ANKRD30B: variants seen among roughly 807,000 people sequenced by gnomAD.
ANKRD30B encodes ankyrin repeat domain-containing protein 30B.
A neutral mutation model predicts 202.2 loss-of-function variants in ANKRD30B; 144 were observed. That is an observed-to-expected ratio of 0.71 (90% CI 0.62 to 0.82). The LOEUF (loss-of-function observed/expected upper bound fraction) is 0.82, where lower values mean the gene tolerates loss of function less well. Ranked by LOEUF, ANKRD30B falls within the 40% of genes least tolerant of loss-of-function variation. ANKRD30B has a pLI of 0.00. For missense variants in ANKRD30B, 1,487 were observed against 1,669.1 expected (o/e 0.89, Z 1.90); for synonymous variants, 508 against 561.3 (o/e 0.91, Z 1.34).
At chr18:14,865,048 T>C in the ANKRD30B span, among the ~76,000 whole-genome samples, 8 of 151,572 alleles carry the variant, frequency 5.3e-5, no homozygotes, top group Admixed American at 4.6e-4. Context: ...CATCGCCTTT[T>C]TCCCAGTCCT....
Position 14,852,069 on chromosome 18 carries a change from A to G in ANKRD30B, c.4125A>G (p.Glu1375=). ...ATTATGCAGGAGATGATCTAAGAGAAAATGCATTGGTTTCAGAACATGCAC... is the reference window on the plus strand; with the variant it reads ...ATTATGCAGGAGATGATCTAAGAGAGAATGCATTGGTTTCAGAACATGCAC... ...NLNYAGDDLR[E]NALVSEHAQR... Residue 1375 remains glutamate (E), a synonymous_variant, in exon 42 of 44, where the codon GAA becomes GAG. Transcript: ENST00000690538. 6.2e-7 allele frequency: 1 copy of G among 1,609,846 alleles called. No individual in the cohort carries two copies. The highest frequency in any genetic ancestry group is 1.1e-5 in the South Asian group (1 of 90,436).
chr18:14,916,861 T>C, the ANKRD30B span, among the ~76,000 whole-genome samples: 18 of 152,004 alleles, frequency 1.2e-4, no homozygotes, highest in East Asian at 3.3e-3. Flanking sequence ...AGCACTGTCA[T>C]TCCCACTTGG....
the ANKRD30B span, among the ~76,000 whole-genome samples, chr18:14,933,197 G>A: frequency 6.6e-6 from 1 of 152,190 alleles, no homozygotes; most frequent in Non-Finnish European, 1.5e-5. Context: ...TCTGTGGGGA[G>A]TGGGGGAATG....
At chr18:14,808,606 A>T in intron 25 of ANKRD30B, 27 bp downstream of exon 25, 3 of 1,574,250 alleles carry the variant, frequency 1.9e-6, no homozygotes, top group Non-Finnish European at 1.7e-6. Flanking sequence ...TTCTATGTTG[A>T]ATATTAACTA....
chr18:14,879,356 T>C, the ANKRD30B span, among the ~76,000 whole-genome samples: 184 of 152,214 alleles, frequency 1.2e-3, no homozygotes, highest in African/African-American at 4.3e-3. Context: ...GCATTCCTAA[T>C]GCAGACATGA....
At chr18:14,820,137 G>T (rs1568045936) in intron 30 of ANKRD30B, among the ~76,000 whole-genome samples, 4 of 152,074 alleles carry the variant, frequency 2.6e-5, no homozygotes. Context: ...GTGAATGGGA[G>T]TTCACTCATG....
chr18:14,820,289 A>G (rs1474726998), intron 30 of ANKRD30B, among the ~76,000 whole-genome samples: 1 of 152,204 alleles, frequency 6.6e-6, no homozygotes, highest in African/African-American at 2.4e-5. Context: ...TTCTAGATAT[A>G]CAATCATGTC....
intron 33 of ANKRD30B, among the ~76,000 whole-genome samples, chr18:14,830,436 C>G (rs1397438736): frequency 7.2e-4 from 110 of 152,064 alleles, no homozygotes; most frequent in Non-Finnish European, 1.3e-3. Flanking sequence ...AAAATATTCC[C>G]AATAACAAAT....
At chr18:14,865,632 C>A in the ANKRD30B span, among the ~76,000 whole-genome samples, 1 of 150,308 alleles carries the variant, frequency 6.7e-6, no homozygotes, top group African/African-American at 2.5e-5. Flanking sequence ...TTTTTCCCAA[C>A]ATCTTTTCCT....
At chr18:14,787,298 G>A (rs1184426364) in intron 15 of ANKRD30B, among the ~76,000 whole-genome samples, 198 bp downstream of exon 15, 2 of 152,058 alleles carry the variant, frequency 1.3e-5, no homozygotes, top group African/African-American at 4.8e-5. Flanking sequence ...TGAATTTGTA[G>A]GATTAATTTA....
At chr18:14,764,296 A>G (rs1915743973) in intron 7 of ANKRD30B, among the ~76,000 whole-genome samples, 2 of 152,204 alleles carry the variant, frequency 1.3e-5, no homozygotes, top group Non-Finnish European at 2.9e-5. Context: ...TAAATACTAG[A>G]TGAACTAACT....
rs1383864303 is a variant in ANKRD30B, at chr18:14,752,547, AG to A, written c.222-18del. 2 of 1,598,194 alleles carry A rather than the reference AG, an allele frequency of 1.3e-6. No homozygotes were observed. The highest frequency in any genetic ancestry group is 1.7e-6 in the Non-Finnish European group (2 of 1,171,722). ...GACAGTGGGCTATACTTTGCCTAAA[AG>A]TCCTCTCACTCTCGTAGGACTGCTC... On this transcript the variant is annotated intron_variant, in intron 1 of 43. Transcript: ENST00000690538.
the ANKRD30B span, among the ~76,000 whole-genome samples, chr18:14,908,606 T>C: frequency 6.6e-6 from 1 of 152,202 alleles, no homozygotes; most frequent in Admixed American, 6.5e-5. Context: ...TCGTGTGCTT[T>C]ACTTTCTAAT....
rs1967609995 is a variant in ANKRD30B at position 14,779,888 on chromosome 18, A to T, written c.1421-72A>T. The T allele has an allele frequency of 3.8e-6, 4 of 1,057,448 alleles. No homozygotes were observed. The South Asian group carries it at 6.0e-5, about 16-fold the overall frequency. 65.5% of individuals were successfully genotyped at this position (1,057,448 alleles called of 1,614,324 possible). A position where few individuals can be genotyped will look rare whatever the true frequency, so the allele number is the denominator to read the frequency against. On this transcript the variant is annotated intron_variant, in intron 10 of 43. Transcript: ENST00000690538. ...AGTCCACAGATTCATGAATGAAAAT[A>T]GATTTGTATATGTTTTTAAAATTTA...
At chr18:14,788,306 T>C (rs1016710531) in intron 15 of ANKRD30B, among the ~76,000 whole-genome samples, 1 of 152,180 alleles carries the variant, frequency 6.6e-6, no homozygotes, top group African/African-American at 2.4e-5. Context: ...ACATGATTTG[T>C]TTTTCCTGCT....
chr18:14,839,776 C>G (rs1179126362), intron 36 of ANKRD30B, among the ~76,000 whole-genome samples: 3 of 151,894 alleles, frequency 2.0e-5, no homozygotes, highest in Admixed American at 1.3e-4. Context: ...TATTTTAAGC[C>G]CTTGTTTTCC....
chr18:14,883,208 A>C, the ANKRD30B span, among the ~76,000 whole-genome samples: 1 of 151,966 alleles, frequency 6.6e-6, no homozygotes, highest in South Asian at 2.1e-4. Flanking sequence ...TTACCTAATT[A>C]GTTCTCAACT....
intron 16 of ANKRD30B, 23 bp downstream of exon 16, chr18:14,791,514 A>T: frequency 6.4e-7 from 1 of 1,571,382 alleles, no homozygotes; most frequent in Non-Finnish European, 8.7e-7. Context: ...TTTTAATTAA[A>T]AAGTCATTTG....
At chr18:14,869,860 G>A in the ANKRD30B span, among the ~76,000 whole-genome samples, 1 of 151,828 alleles carries the variant, frequency 6.6e-6, no homozygotes, top group African/African-American at 2.4e-5. Flanking sequence ...CTAGAGGTGG[G>A]GTCTCACTCT....
Sources: gnomAD v4.1 joint callset for allele counts (sites outside exome capture counted in the v4.1 genomes callset) on GRCh38, gnomAD v4.1.1 for gene constraint, MANE v1.5 for transcripts, NCBI Gene and HGNC (gene_info 2026-07-23, HGNC 2026-07-21) for gene names.